CCNH: variants seen among roughly 807,000 people sequenced by gnomAD.
CCNH encodes the protein cyclin H.
In CCNH, 31 loss-of-function variants were observed where a neutral mutation model predicts 41.9. The ratio of observed to expected loss-of-function variants is 0.74; its 90% CI spans 0.56 to 1.00. The LOEUF (loss-of-function observed/expected upper bound fraction) is 1.00. Among genes scored for constraint, CCNH ranks in the 50% least tolerant of loss-of-function variants. The probability of loss-of-function intolerance (pLI) is 0.00; values close to 1 mark genes in which losing one functional copy is unlikely to be tolerated. For synonymous variants in CCNH, 138 were observed against 136.1 expected, an observed-to-expected ratio of 1.01 and a Z score of -0.10; for missense variants, 362 against 388.4, an observed-to-expected ratio of 0.93 and a Z score of 0.57.
intron 9 of CCNH, chr5:87,385,213 AAGAAATATTAAAGTGCTAAATTTAT>A: frequency 5.7e-6 from 5 of 872,862 alleles, no homozygotes; most frequent in Non-Finnish European, 9.7e-6. Flanking sequence ...TTTAACAGTA[AAGAAATATTAAAGTGCTAAATTTAT>A]AATGGTTTAG....
intron 9 of CCNH, chr5:87,385,170 A>G (rs1761982562): frequency 1.4e-6 from 1 of 702,198 alleles, no homozygotes; most frequent in Admixed American, 2.4e-5. Context: ...TTCCAAAAAC[A>G]TTCTGAGTTC....
chr5:87,404,812 A>C (rs1763665516), intron 5 of CCNH, 32 bp downstream of exon 5: 1 of 1,530,200 alleles, frequency 6.5e-7, no homozygotes, highest in Non-Finnish European at 8.9e-7. Context: ...CCAGTGACTG[A>C]ATTTGACCTA....
chr5:87,325,475 G>T (rs1008741315), intron 9 of CCNH, among the ~76,000 whole-genome samples: 2 of 152,198 alleles, frequency 1.3e-5, no homozygotes, highest in Admixed American at 6.5e-5. Context: ...AGACACAAGC[G>T]TGTGTAACAA....
downstream of CCNH, among the ~76,000 whole-genome samples, chr5:87,390,094 A>G (rs1358057693): frequency 1.3e-5 from 2 of 152,232 alleles, no homozygotes; most frequent in Admixed American, 6.5e-5. Flanking sequence ...TCTATCTGCC[A>G]TCTGCACCAA....
chr5:87,397,455 C>T (rs1278379394), intron 7 of CCNH, among the ~76,000 whole-genome samples: 4 of 152,036 alleles, frequency 2.6e-5, no homozygotes, highest in East Asian at 1.9e-4. Context: ...CCACTGTGCC[C>T]GGCCCTAGAA....
upstream of CCNH, chr5:87,378,535 T>C: frequency 6.2e-7 from 1 of 1,606,980 alleles, no homozygotes; most frequent in Non-Finnish European, 8.5e-7. Flanking sequence ...AGCAGTCTTG[T>C]GAGGTAAGAA....
chr5:87,377,384 G>C (rs1321928019), upstream of CCNH, among the ~76,000 whole-genome samples: 1 of 152,184 alleles, frequency 6.6e-6, no homozygotes. Context: ...AGGCTGCAGT[G>C]CAGTGGCGCA....
chr5:87,411,683 G>C (rs1764255177), intron 1 of CCNH, among the ~76,000 whole-genome samples: 2 of 152,044 alleles, frequency 1.3e-5, no homozygotes, highest in Admixed American at 1.3e-4. Flanking sequence ...TTTAAAATAT[G>C]ATTGGAAAGC....
chr5:87,368,228 A>G (rs762683621), intron 9 of CCNH, among the ~76,000 whole-genome samples: 2 of 152,000 alleles, frequency 1.3e-5, no homozygotes, highest in African/African-American at 2.4e-5. Flanking sequence ...CTTTCAGTTC[A>G]CTAATCTTCC....
At chr5:87,376,903 A>T in exon 1 of CCNH, 2 of 1,608,788 alleles carry the variant, frequency 1.2e-6, no homozygotes, top group South Asian at 2.2e-5. Flanking sequence ...AAGGAACTTC[A>T]TGTAGTCTAT....
intron 9 of CCNH, among the ~76,000 whole-genome samples, chr5:87,341,585 A>T (rs971404869): frequency 3.9e-5 from 6 of 152,184 alleles, no homozygotes; most frequent in Non-Finnish European, 7.4e-5. Context: ...TTATAACATT[A>T]TGAATGTCAC....
At chr5:87,351,882 T>C (rs1043987166) in intron 9 of CCNH, among the ~76,000 whole-genome samples, 1 of 151,782 alleles carries the variant, frequency 6.6e-6, no homozygotes, top group Non-Finnish European at 1.5e-5. Flanking sequence ...TATTGTAACA[T>C]TGAGGTGCTA....
At chr5:87,401,076 T>C (rs937463017) in intron 6 of CCNH, among the ~76,000 whole-genome samples, 2 of 152,214 alleles carry the variant, frequency 1.3e-5, no homozygotes, top group Admixed American at 6.5e-5. Flanking sequence ...TATTCTCTCA[T>C]AGTTCTGGAG....
At chr5:87,314,441 TAATG>T (rs1756163344), downstream of CCNH, among the ~76,000 whole-genome samples, 1 of 151,990 alleles carries the variant, frequency 6.6e-6, no homozygotes, top group African/African-American at 2.4e-5. Flanking sequence ...ATAGAGAACA[TAATG>T]GGTGGGAAAG....
At chr5:87,355,130 A>C (rs1759555137) in intron 9 of CCNH, among the ~76,000 whole-genome samples, 1 of 152,224 alleles carries the variant, frequency 6.6e-6, no homozygotes, top group Non-Finnish European at 1.5e-5. Context: ...CCAGAAGATA[A>C]CTAGCAAGTT....
In CCNH at chr5:87,411,273, A is replaced by C; in HGVS notation, c.191T>G (p.Leu64Ter). The C allele has an allele frequency of 6.2e-7, 1 of 1,612,866 alleles. No homozygotes were observed. The highest frequency in any genetic ancestry group is 1.3e-5 in the African/African-American group (1 of 75,004). ...CTTAAACACCGAACAGAATTCCAAT[A>C]ACCTTTTCTCATAGTATTTGCAGAG... ...MTLCKYYEKRLLEFCSVFKPA... is the reference protein window; with the variant it reads ...MTLCKYYEKR The change falls in exon 2 of 9, where the codon TTA becomes TGA. Residue 64 changes from leucine (L) to a stop codon, truncating the protein, a stop_gained. Coordinates refer to ENST00000256897, the MANE Select transcript of CCNH (RefSeq NM_001239.4). LOFTEE classifies it high-confidence loss of function.
intron 9 of CCNH, among the ~76,000 whole-genome samples, chr5:87,353,683 CTGAG>C (rs1759445174): frequency 6.6e-6 from 1 of 152,070 alleles, no homozygotes; most frequent in South Asian, 2.1e-4. Context: ...TCTGTATACT[CTGAG>C]TGAAAACTGT....
downstream of CCNH, among the ~76,000 whole-genome samples, chr5:87,390,477 A>G (rs1010765758): frequency 4.0e-5 from 6 of 151,312 alleles, no homozygotes; most frequent in Admixed American, 1.3e-4. Context: ...CTTGCCTTAG[A>G]TATTAAATAA....
At chr5:87,410,538 T>C (rs1188657289) in intron 2 of CCNH, among the ~76,000 whole-genome samples, 2 of 152,204 alleles carry the variant, frequency 1.3e-5, no homozygotes, top group Non-Finnish European at 2.9e-5. Flanking sequence ...TGTATAACTT[T>C]AAAACTTAAC....
Sources: gnomAD v4.1 joint callset for allele counts (sites outside exome capture counted in the v4.1 genomes callset) on GRCh38, gnomAD v4.1.1 for gene constraint, MANE v1.5 for transcripts, NCBI Gene and HGNC (gene_info 2026-07-23, HGNC 2026-07-21) for gene names.